ANKRD12: variants seen among roughly 807,000 people sequenced by gnomAD.
ANKRD12 encodes ankyrin repeat domain 12, also known as ankyrin repeat domain-containing protein 12.
Under a neutral mutation model 183.4 loss-of-function variants are expected in ANKRD12, and 85 were observed. That is an observed-to-expected ratio of 0.46 (90% CI 0.39 to 0.56). The LOEUF is 0.56. Among genes scored for constraint, ANKRD12 ranks in the 20% least tolerant of loss-of-function variants. The pLI is 0.00. For missense variants in ANKRD12, 2,405 were observed against 2,357.1 expected, an observed-to-expected ratio of 1.02 and a Z score of -0.42; for synonymous variants, 914 against 800.2, an observed-to-expected ratio of 1.14 and a Z score of -2.40.
At chr18:9,209,057 AT>A (rs1158276154) in intron 5 of ANKRD12, among the ~76,000 whole-genome samples, 1 of 152,100 alleles carries the variant, frequency 6.6e-6, no homozygotes, top group Admixed American at 6.5e-5. Context: ...TAAGATCTAA[AT>A]TTTTTTATAA....
intron 4 of ANKRD12, 94 bp from the exon 5 acceptor site, chr18:9,208,559 CATAT>C: frequency 1.0e-6 from 1 of 986,158 alleles, no homozygotes; most frequent in Non-Finnish European, 1.4e-6. Flanking sequence ...ACACATTTCT[CATAT>C]ATATGTACAG....
intron 1 of ANKRD12, among the ~76,000 whole-genome samples, chr18:9,138,092 A>G (rs532166780): frequency 1.3e-5 from 2 of 152,370 alleles, no homozygotes; most frequent in African/African-American, 4.8e-5. Context: ...AATTACCTCT[A>G]ATCCTAAAGT....
chr18:9,265,539 T>TC (rs1458434014), intron 10 of ANKRD12, among the ~76,000 whole-genome samples: 6 of 151,856 alleles, frequency 4.0e-5, no homozygotes, highest in Non-Finnish European at 5.9e-5. Context: ...TCCAGCAAAC[T>TC]CCAACAGACC....
At chr18:9,250,144 T>G (rs1598693579) in intron 8 of ANKRD12, 1 of 152,210 alleles carries the variant, frequency 6.6e-6, no homozygotes, top group East Asian at 1.9e-4. Flanking sequence ...TACAACTAAT[T>G]GATTACAACT....
chr18:9,250,428 G>A lies in ANKRD12; in HGVS notation c.944-3783G>A, dbSNP rs537712317. Among the ~76,000 whole-genome samples, 5 of 152,218 alleles carry A rather than the reference G, an allele frequency of 3.3e-5. No individual in the cohort carries two copies. In the South Asian group the frequency reaches 1.0e-3, roughly 32 times the overall value. On this transcript the variant is annotated intron_variant, in intron 8 of 12. Transcript: ENST00000262126. ...GAATAGAGAGAAAACGGATTTAAGA[G>A]AGAGTCCAGGCTGGGCACAGTGGCT...
intron 8 of ANKRD12, among the ~76,000 whole-genome samples, chr18:9,251,655 G>A (rs897029339): frequency 2.0e-5 from 3 of 152,076 alleles, no homozygotes; most frequent in African/African-American, 7.2e-5. Context: ...TTAGACATGC[G>A]TGGTGGCAGG....
intron 1 of ANKRD12, among the ~76,000 whole-genome samples, chr18:9,138,175 G>A (rs967910142): frequency 1.3e-5 from 2 of 152,220 alleles, no homozygotes; most frequent in Admixed American, 6.5e-5. Flanking sequence ...TATAAAGAAA[G>A]GCTAGTGAAA....
chr18:9,254,103 T>G, intron 8 of ANKRD12, 108 bp from the exon 9 acceptor site: 1 of 1,207,808 alleles, frequency 8.3e-7, no homozygotes, highest in Non-Finnish European at 1.1e-6. Flanking sequence ...TATGAATTGT[T>G]TGAAATATGT....
At chr18:9,228,722 G>A (rs2036867326) in intron 8 of ANKRD12, among the ~76,000 whole-genome samples, 1 of 152,046 alleles carries the variant, frequency 6.6e-6, no homozygotes, top group Non-Finnish European at 1.5e-5. Context: ...TTAGTCCCTT[G>A]TCAGATGAGT....
chr18:9,174,083 G>T (rs769815311), intron 1 of ANKRD12, among the ~76,000 whole-genome samples: 1 of 152,184 alleles, frequency 6.6e-6, no homozygotes, highest in Non-Finnish European at 1.5e-5. Context: ...GTCTGGCCAC[G>T]ATCTGGCACA....
intron 1 of ANKRD12, among the ~76,000 whole-genome samples, chr18:9,163,370 T>C (rs1348540879): frequency 1.3e-5 from 2 of 152,188 alleles, no homozygotes; most frequent in African/African-American, 4.8e-5. Context: ...CCATCTTATT[T>C]CTGAGTTCTC....
intron 8 of ANKRD12, among the ~76,000 whole-genome samples, chr18:9,223,646 A>G (rs560295376): frequency 3.3e-5 from 5 of 152,096 alleles, no homozygotes; most frequent in South Asian, 2.1e-4. Flanking sequence ...TGTTGTGGGG[A>G]AAAAAAATAA....
intron 6 of ANKRD12, among the ~76,000 whole-genome samples, chr18:9,214,874 G>A (rs1279840912): frequency 4.6e-5 from 7 of 152,048 alleles, no homozygotes; most frequent in Non-Finnish European, 1.0e-4. Flanking sequence ...GCTTTTATGC[G>A]AATGCAAGAT....
intron 10 of ANKRD12, among the ~76,000 whole-genome samples, chr18:9,265,673 A>G (rs530178599): frequency 3.9e-5 from 6 of 152,238 alleles, no homozygotes; most frequent in African/African-American, 1.2e-4. Context: ...CAAAGATGGG[A>G]AAAAAACAGC....
At position 9,136,853 on chromosome 18, in the gene ANKRD12, C is replaced by G. The variant is rs905598111; in HGVS notation, c.-164C>G. On this transcript the variant is annotated 5_prime_UTR_variant, in exon 1 of 13. Transcript: ENST00000262126. ...ACCGAGACCGGAGATGTTTTCAAGC[C>G]CGGCTCCGGCGGCTTTACAGGCGGC... The G allele has an allele frequency of 5.3e-5, 8 of 152,336 alleles. No homozygotes were observed. The highest frequency in any genetic ancestry group is 1.7e-4 in the African/African-American group (7 of 41,454). The allele number at this position is 152,336 out of a possible 1,614,324, so 9.4% of individuals were successfully genotyped here. A position where few individuals can be genotyped will look rare whatever the true frequency, so the allele number is the denominator to read the frequency against.
intron 8 of ANKRD12, among the ~76,000 whole-genome samples, chr18:9,226,305 G>A (rs548565740): frequency 6.6e-6 from 1 of 152,042 alleles, no homozygotes; most frequent in Admixed American, 6.5e-5. Flanking sequence ...CGTGCCTGTA[G>A]TCCCAGCTAC....
intron 6 of ANKRD12, among the ~76,000 whole-genome samples, chr18:9,212,421 C>T (rs968859387): frequency 1.3e-5 from 2 of 151,838 alleles, no homozygotes; most frequent in Non-Finnish European, 2.9e-5. Context: ...TGAAATCATT[C>T]CATCTGTATC....
rs146624964 is a variant in ANKRD12, at chr18:9,204,150, C to A, written c.236-326C>A. Reference sequence around the variant, plus strand: ...CAGAAAACCAGCGATAGAGTACTGGCTCTTTTACTGTTATTCAGAAGTTGA... The same window carrying A: ...CAGAAAACCAGCGATAGAGTACTGGATCTTTTACTGTTATTCAGAAGTTGA... On this transcript the variant is annotated intron_variant, in intron 3 of 12. Coordinates refer to ENST00000262126, the MANE Select transcript of ANKRD12 (RefSeq NM_015208.5). Among the ~76,000 whole-genome samples the A allele has an allele frequency of 9.2e-5, 14 of 152,246 alleles. No individual in the cohort carries two copies. In the East Asian group the frequency reaches 2.7e-3, roughly 29 times the overall value.
At chr18:9,153,115 T>G (rs1598401406) in intron 1 of ANKRD12, among the ~76,000 whole-genome samples, 2 of 152,304 alleles carry the variant, frequency 1.3e-5, no homozygotes, top group South Asian at 4.1e-4. Context: ...ATTACAGGCG[T>G]GAGCCACTGT....
Sources: gnomAD v4.1 joint callset for allele counts (sites outside exome capture counted in the v4.1 genomes callset) on GRCh38, gnomAD v4.1.1 for gene constraint, MANE v1.5 for transcripts, NCBI Gene and HGNC (gene_info 2026-07-23, HGNC 2026-07-21) for gene names.